PLCB1: variants seen among roughly 807,000 people sequenced by gnomAD.
PLCB1 encodes the protein 1-phosphatidylinositol 4,5-bisphosphate phosphodiesterase beta-1.
A neutral mutation model predicts 161.8 loss-of-function variants in PLCB1; 46 were observed. The observed-to-expected ratio is 0.28, with a 90% CI of 0.22 to 0.36. The LOEUF (loss-of-function observed/expected upper bound fraction) is 0.36, where lower values mean the gene tolerates loss of function less well. Ranked by LOEUF, PLCB1 falls within the 10% of genes least tolerant of loss-of-function variation. PLCB1 has a pLI of 1.00. For synonymous variants in PLCB1, 517 were observed against 503.7 expected, an observed-to-expected ratio of 1.03 and a Z score of -0.35; for missense variants, 1,016 against 1,472.5, an observed-to-expected ratio of 0.69 and a Z score of 5.07.
At chr20:8,419,810 C>T (rs1281190733) in intron 3 of PLCB1, among the ~76,000 whole-genome samples, 1 of 152,140 alleles carries the variant, frequency 6.6e-6, no homozygotes, top group Non-Finnish European at 1.5e-5. Flanking sequence ...TGTTCAAAAG[C>T]ATACTTTGTT....
At chr20:8,583,024 C>T (rs1986884036) in intron 3 of PLCB1, among the ~76,000 whole-genome samples, 1 of 149,996 alleles carries the variant, frequency 6.7e-6, no homozygotes, top group Admixed American at 6.7e-5. Context: ...ATGATTCTAA[C>T]ACATGCTCCA....
intron 1 of PLCB1, among the ~76,000 whole-genome samples, chr20:8,143,927 A>T (rs954955094): frequency 6.6e-6 from 1 of 152,170 alleles, no homozygotes; most frequent in African/African-American, 2.4e-5. Context: ...CCTGTGTATT[A>T]TACGATATTT....
intron 2 of PLCB1, among the ~76,000 whole-genome samples, chr20:8,160,397 C>T (rs190847703): frequency 9.9e-5 from 15 of 152,252 alleles, no homozygotes; most frequent in African/African-American, 3.6e-4. Flanking sequence ...CTGTATTAGG[C>T]CGTTTTCATG....
At chr20:8,773,217 A>C (rs891317249) in intron 26 of PLCB1, among the ~76,000 whole-genome samples, 21 of 152,212 alleles carry the variant, frequency 1.4e-4, no homozygotes, top group African/African-American at 5.1e-4. Context: ...TGATTCTAAG[A>C]AACTTTACCT....
intron 3 of PLCB1, among the ~76,000 whole-genome samples, chr20:8,486,481 ATTTTTTTTTTTTT>A (rs71183092): frequency 7.0e-5 from 6 of 85,810 alleles, no homozygotes; most frequent in African/African-American, 9.2e-5. Flanking sequence ...ATTCCAAAAT[ATTTTTTTTTTTTT>A]TTTTTTTTTT....
intron 27 of PLCB1, among the ~76,000 whole-genome samples, chr20:8,785,848 G>A (rs1322124590): frequency 6.6e-6 from 1 of 152,146 alleles, no homozygotes; most frequent in African/African-American, 2.4e-5. Context: ...ATATTCTGAA[G>A]TCAGGTGAAT....
intron 3 of PLCB1, among the ~76,000 whole-genome samples, chr20:8,469,024 G>A (rs1002007100): frequency 6.6e-6 from 1 of 152,142 alleles, no homozygotes; most frequent in African/African-American, 2.4e-5. Flanking sequence ...GGTTTGAGGT[G>A]GGTCCTGAGA....
At chr20:8,706,507 A>G (rs1978684925) in intron 11 of PLCB1, among the ~76,000 whole-genome samples, 1 of 152,224 alleles carries the variant, frequency 6.6e-6, no homozygotes, top group Admixed American at 6.5e-5. Flanking sequence ...GAAGGAGAGG[A>G]GGCGAGAATG....
At position 8,353,789 on chromosome 20, in the gene PLCB1, G is replaced by A. The variant is rs143450525; in HGVS notation, c.178-17593G>A. ...GGTGGACTAAATGCAGTATGGTGTC[G>A]TGAATGGGCTCTTGGCACAGGAAAA... On this transcript the variant is annotated intron_variant, in intron 2 of 31. Transcript: ENST00000338037. Among the ~76,000 whole-genome samples the A allele has an allele frequency of 9.2e-3, 1,398 of 152,186 alleles. 10 individuals carry two copies. Among genetic ancestry groups the A allele is most frequent in the Non-Finnish European group, 0.014 (977 of 67,976 alleles).
chr20:8,628,559 TC>T, intron 4 of PLCB1, 128 bp downstream of exon 4: 2 of 888,934 alleles, frequency 2.2e-6, no homozygotes, highest in South Asian at 3.4e-5. Context: ...TAAAAATAAT[TC>T]AGCTGCCAAG....
At chr20:8,684,040 C>T (rs1468313297) in intron 9 of PLCB1, among the ~76,000 whole-genome samples, 2 of 151,440 alleles carry the variant, frequency 1.3e-5, no homozygotes, top group Admixed American at 6.6e-5. Flanking sequence ...CCCGCCACCA[C>T]ACCCGGCTAA....
intron 12 of PLCB1, among the ~76,000 whole-genome samples, chr20:8,710,686 G>T (rs533074827): frequency 6.6e-6 from 1 of 151,734 alleles, no homozygotes; most frequent in South Asian, 2.1e-4. Context: ...AGCTAATTTT[G>T]TATTTTTAGT....
At chr20:8,676,970 CAG>C (rs1337571010) in intron 9 of PLCB1, among the ~76,000 whole-genome samples, 3 of 151,982 alleles carry the variant, frequency 2.0e-5, no homozygotes, top group Non-Finnish European at 2.9e-5. Context: ...CAATAAATGT[CAG>C]AGAACATAAA....
chr20:8,266,227 G>C (rs6086384), intron 2 of PLCB1, among the ~76,000 whole-genome samples: 3,876 of 152,242 alleles, frequency 0.025, 65 homozygotes, highest in Non-Finnish European at 0.039. Context: ...CTACTGATCT[G>C]AGCATATCCC....
chr20:8,871,887 T>C (rs967514539), intron 31 of PLCB1, among the ~76,000 whole-genome samples: 1 of 152,232 alleles, frequency 6.6e-6, no homozygotes, highest in Admixed American at 6.5e-5. Context: ...GCATTTAATA[T>C]GTATGATCTT....
chr20:8,628,864 G>T (rs1457888579), intron 4 of PLCB1, among the ~76,000 whole-genome samples: 3 of 152,034 alleles, frequency 2.0e-5, no homozygotes, highest in Non-Finnish European at 4.4e-5. Context: ...AACCCAGGAG[G>T]TGGAGGTTGC....
At chr20:8,473,059 G>A (rs1399175292) in intron 3 of PLCB1, among the ~76,000 whole-genome samples, 1 of 152,084 alleles carries the variant, frequency 6.6e-6, no homozygotes. Flanking sequence ...ACCAGTGGAA[G>A]GTTTCTGTGA....
intron 3 of PLCB1, among the ~76,000 whole-genome samples, chr20:8,385,226 T>TGGA (rs1449510065): frequency 5.9e-5 from 9 of 152,146 alleles, no homozygotes; most frequent in Non-Finnish European, 1.2e-4. Context: ...AGCCTCTGGC[T>TGGA]GGAGTTGGAG....
chr20:8,543,167 A>G (rs975027534), intron 3 of PLCB1, among the ~76,000 whole-genome samples: 1 of 152,200 alleles, frequency 6.6e-6, no homozygotes, highest in African/African-American at 2.4e-5. Flanking sequence ...GGAGTTTCAT[A>G]TGCATTTTCA....
Sources: allele counts gnomAD v4.1 joint callset (sites outside exome capture counted in the v4.1 genomes callset), GRCh38; gene constraint gnomAD v4.1.1; transcripts MANE v1.5; gene names NCBI Gene and HGNC (gene_info 2026-07-23, HGNC 2026-07-21).